Variants in FSIP1 observed in about 807,000 individuals in gnomAD.
FSIP1 encodes the protein fibrous sheath-interacting protein 1.
A neutral mutation model predicts 60.9 loss-of-function variants in FSIP1; 65 were observed. The observed-to-expected ratio is 1.07, with a 90% CI of 0.87 to 1.31. The LOEUF (loss-of-function observed/expected upper bound fraction) is 1.31, where lower values mean the gene tolerates loss of function less well. FSIP1 is among the 40% of genes most tolerant of loss of function. The pLI is 0.00. For missense variants in FSIP1, 675 were observed against 665.5 expected, an observed-to-expected ratio of 1.01 and a Z score of -0.16; for synonymous variants, 209 against 221.2, an observed-to-expected ratio of 0.94 and a Z score of 0.49.
chr15:39,706,769 C>G (rs1895290117), intron 10 of FSIP1, among the ~76,000 whole-genome samples: 1 of 152,166 alleles, frequency 6.6e-6, no homozygotes, highest in Non-Finnish European at 1.5e-5. Context: ...AAAGTAATTA[C>G]TGTTAAGCAT....
chr15:39,759,736 C>G (rs1595394563), intron 5 of FSIP1, among the ~76,000 whole-genome samples: 2 of 152,140 alleles, frequency 1.3e-5, no homozygotes, highest in African/African-American at 4.8e-5. Flanking sequence ...CTGTTCCTCC[C>G]TCTTCCAGCT....
chr15:39,776,541 C>G lies in FSIP1; in HGVS notation c.-7-10G>C, dbSNP rs1898071525. 3.6e-6 allele frequency: 5 copies of G among 1,397,042 alleles called. No homozygotes were observed. The East Asian group carries it at 1.3e-4, about 36-fold the overall frequency. The allele number at this position is 1,397,042 out of a possible 1,614,324, so 86.5% of individuals were successfully genotyped here. A position where few individuals can be genotyped will look rare whatever the true frequency, so the allele number is the denominator to read the frequency against. On this transcript the variant is annotated splice_polypyrimidine_tract_variant and intron_variant, in intron 1 of 11. Coordinates refer to ENST00000350221, the MANE Select transcript of FSIP1 (RefSeq NM_152597.5). Reference sequence around the variant, plus strand: ...AATATCCATTGAAATCCTGAAACAACAAATAAAATATTTAATACCAAGCGA... The same window carrying G: ...AATATCCATTGAAATCCTGAAACAAGAAATAAAATATTTAATACCAAGCGA...
intron 10 of FSIP1, among the ~76,000 whole-genome samples, chr15:39,676,833 A>C (rs1170065453): frequency 3.3e-5 from 5 of 152,214 alleles, no homozygotes; most frequent in African/African-American, 9.7e-5. Flanking sequence ...GTTTTCACTT[A>C]CTATAGGTAT....
chr15:39,745,935 C>T (rs913083601), intron 5 of FSIP1, among the ~76,000 whole-genome samples: 5 of 151,918 alleles, frequency 3.3e-5, no homozygotes, highest in Non-Finnish European at 5.9e-5. Flanking sequence ...AAACATTAGC[C>T]GGGCATGGTG....
chr15:39,640,263 G>C (rs1892307780), intron 10 of FSIP1, among the ~76,000 whole-genome samples: 1 of 152,144 alleles, frequency 6.6e-6, no homozygotes, highest in Admixed American at 6.5e-5. Flanking sequence ...CATTGTTCAT[G>C]ACACCTTGAA....
intron 10 of FSIP1, among the ~76,000 whole-genome samples, chr15:39,680,620 C>T (rs1020233532): frequency 6.6e-6 from 1 of 152,226 alleles, no homozygotes; most frequent in Non-Finnish European, 1.5e-5. Context: ...CATCAAGGTA[C>T]AAGGAGCCTG....
At chr15:39,617,158 C>T (rs1891260217) in intron 11 of FSIP1, among the ~76,000 whole-genome samples, 1 of 152,032 alleles carries the variant, frequency 6.6e-6, no homozygotes, top group Non-Finnish European at 1.5e-5. Flanking sequence ...AATAGATTCA[C>T]CAATTGTTAC....
chr15:39,610,929 A>T (rs1891005397), intron 11 of FSIP1, among the ~76,000 whole-genome samples: 1 of 152,186 alleles, frequency 6.6e-6, no homozygotes, highest in South Asian at 2.1e-4. Context: ...ACAAACAAAA[A>T]CTAAGTAAGT....
Position 39,703,958 on chromosome 15 carries a change from T to C in FSIP1, c.1188+9486A>G, listed in dbSNP as rs1448991512. Among the ~76,000 whole-genome samples the C allele has an allele frequency of 3.9e-5, 6 of 152,332 alleles. No homozygotes were observed. The East Asian group carries it at 9.6e-4, about 24-fold the overall frequency. Reference sequence around the variant, plus strand: ...TCAACTATTAAATGATAATATTCCATTGCAAGGAGTTTTGTTAAGGTTTCT... The same window carrying C: ...TCAACTATTAAATGATAATATTCCACTGCAAGGAGTTTTGTTAAGGTTTCT... On this transcript the variant is annotated intron_variant, in intron 10 of 11. Transcript: ENST00000350221.
intron 1 of FSIP1, among the ~76,000 whole-genome samples, chr15:39,777,844 T>C (rs1054705732): frequency 6.6e-6 from 1 of 152,208 alleles, no homozygotes; most frequent in Non-Finnish European, 1.5e-5. Context: ...AATGTCCTTT[T>C]CTTACCCTAC....
Position 39,782,258 on chromosome 15 carries a change from CAATT to C in FSIP1, c.-8+366_-8+369del, listed in dbSNP as rs553951958. On this transcript the variant is annotated intron_variant, in intron 1 of 11. Coordinates refer to ENST00000350221, the MANE Select transcript of FSIP1 (RefSeq NM_152597.5). ...TCACGAGAAAAGTTGAGTCTCTAATCAATTGTTTGCTGTTTGCATCTTTTTATTT... is the reference window on the plus strand; with the variant it reads ...TCACGAGAAAAGTTGAGTCTCTAATCGTTTGCTGTTTGCATCTTTTTATTT... Among the ~76,000 whole-genome samples, 516 of 152,326 alleles carry C rather than the reference CAATT, an allele frequency of 3.4e-3. 4 individuals carry two copies. The highest frequency in any genetic ancestry group is 4.4e-3 in the Non-Finnish European group (301 of 68,026).
intron 5 of FSIP1, among the ~76,000 whole-genome samples, chr15:39,763,574 A>G (rs1381513865): frequency 6.6e-6 from 1 of 152,208 alleles, no homozygotes; most frequent in African/African-American, 2.4e-5. Flanking sequence ...ACTTTTGTCT[A>G]TTTCCCAGTT....
chr15:39,704,000 A>G (rs1895165584), intron 10 of FSIP1, among the ~76,000 whole-genome samples: 1 of 152,228 alleles, frequency 6.6e-6, no homozygotes, highest in African/African-American at 2.4e-5. Flanking sequence ...AATGATGTAG[A>G]AATATATAAT....
intron 10 of FSIP1, among the ~76,000 whole-genome samples, chr15:39,684,489 T>C (rs746630132): frequency 1.3e-5 from 2 of 152,174 alleles, no homozygotes; most frequent in Non-Finnish European, 2.9e-5. Flanking sequence ...CCAAGGGAAA[T>C]CTTACTCTTT....
At chr15:39,723,968 T>C (rs1247596883) in intron 9 of FSIP1, among the ~76,000 whole-genome samples, 1 of 152,254 alleles carries the variant, frequency 6.6e-6, no homozygotes, top group Admixed American at 6.5e-5. Flanking sequence ...GAACAAAAGC[T>C]CAAAAGATAT....
intron 10 of FSIP1, among the ~76,000 whole-genome samples, chr15:39,636,579 A>G (rs972807660): frequency 6.6e-6 from 1 of 152,216 alleles, no homozygotes; most frequent in Non-Finnish European, 1.5e-5. Flanking sequence ...TCTAACTGGC[A>G]AGGGTGGATT....
intron 10 of FSIP1, among the ~76,000 whole-genome samples, chr15:39,628,240 G>C (rs971541610): frequency 1.3e-5 from 2 of 152,216 alleles, no homozygotes; most frequent in African/African-American, 4.8e-5. Context: ...GCAGCCAGAG[G>C]CAGCACCACT....
intron 5 of FSIP1, among the ~76,000 whole-genome samples, chr15:39,758,596 T>C (rs1897379069): frequency 6.6e-6 from 1 of 152,104 alleles, no homozygotes; most frequent in African/African-American, 2.4e-5. Context: ...TAGTAAGTTG[T>C]ACTTTTCCAA....
intron 10 of FSIP1, among the ~76,000 whole-genome samples, chr15:39,651,885 C>G (rs1426696021): frequency 3.9e-5 from 6 of 152,280 alleles, no homozygotes; most frequent in Admixed American, 2.6e-4. Flanking sequence ...TATCTATCTC[C>G]CCCAATTCAC....
Sources: allele counts gnomAD v4.1 joint callset (sites outside exome capture counted in the v4.1 genomes callset), GRCh38; gene constraint gnomAD v4.1.1; transcripts MANE v1.5; gene names NCBI Gene and HGNC (gene_info 2026-07-23, HGNC 2026-07-21).